The following TBCD variants were observed in gnomAD, a reference collection of about 807,000 sequenced individuals.
The protein encoded by TBCD is tubulin folding cofactor D.
Under a neutral mutation model 169.3 loss-of-function variants are expected in TBCD, and 105 were observed. The observed-to-expected ratio is 0.62, with a 90% CI of 0.53 to 0.73. The LOEUF (loss-of-function observed/expected upper bound fraction) is 0.73. Ranked by LOEUF, TBCD falls within the 30% of genes least tolerant of loss-of-function variation. TBCD has a pLI of 0.00. For missense variants in TBCD, 1,444 were observed against 1,600.1 expected, an observed-to-expected ratio of 0.90 and a Z score of 1.66; for synonymous variants, 700 against 643.9, an observed-to-expected ratio of 1.09 and a Z score of -1.32.
chr17:82,921,198 A>T (rs1446010183), intron 24 of TBCD: 1 of 459,752 alleles, frequency 2.2e-6, no homozygotes, highest in Admixed American at 3.7e-5. Flanking sequence ...GCCGGGGGAG[A>T]CCGTTTGAAG....
In TBCD at chr17:82,759,522, C is replaced by T. The variant is rs571423930; in HGVS notation, c.235+3307C>T. Among the ~76,000 whole-genome samples, 4 of 152,162 alleles carry T rather than the reference C, an allele frequency of 2.6e-5. No homozygotes were observed. In the South Asian group the frequency reaches 8.3e-4, roughly 32 times the overall value. ...TTTTGTTTTTGCAGGGTCAGGGTCA[C>T]GCTGTGTTCCTCAGGCTGGTCTCGA... On this transcript the variant is annotated intron_variant, in intron 2 of 38. Coordinates refer to ENST00000355528, the MANE Select transcript of TBCD (RefSeq NM_005993.5).
Position 82,923,641 on chromosome 17 carries a change from CT to C in TBCD, c.2179-8del. 6.4e-7 allele frequency: 1 copy of C among 1,564,240 alleles called. No homozygotes were observed. The highest frequency in any genetic ancestry group is 8.7e-7 in the Non-Finnish European group (1 of 1,153,490). On this transcript the variant is annotated splice_polypyrimidine_tract_variant and intron_variant, in intron 25 of 38. Coordinates refer to ENST00000355528, the MANE Select transcript of TBCD (RefSeq NM_005993.5). The surrounding 1 kb of genome is among the most constrained non-coding windows in gnomAD (Gnocchi z 4.6). ...AGCTGCTGTGCGCTCACCGTGCTGC[CT>C]TTGTTTTAGGATGCAGCAGTCTCGG...
chr17:82,760,907 A>C (rs1445877988), intron 2 of TBCD, among the ~76,000 whole-genome samples: 2 of 150,424 alleles, frequency 1.3e-5, no homozygotes, highest in East Asian at 3.9e-4. Flanking sequence ...TTCACTTAGC[A>C]TCATGTCTAT....
rs111803424 is a variant in TBCD, at chr17:82,915,386, T to C, written c.2038+3597T>C. ...GAAATGTCATACAGGTTGGCCTTTG[T>C]CGTGAATATTCACGAGAGGAGATGA... On this transcript the variant is annotated intron_variant, in intron 23 of 38. Transcript: ENST00000355528. The surrounding 1 kb of genome is among the most constrained non-coding windows in gnomAD (Gnocchi z 4.3). Among the ~76,000 whole-genome samples, 761 of 152,284 alleles carry C rather than the reference T, an allele frequency of 5.0e-3. 11 individuals carry two copies. The highest frequency in any genetic ancestry group is 0.017 in the Middle Eastern group (5 of 294).
At chr17:82,792,444 C>T (rs544893327) in intron 7 of TBCD, among the ~76,000 whole-genome samples, 3 of 152,156 alleles carry the variant, frequency 2.0e-5, no homozygotes, top group Non-Finnish European at 4.4e-5. Context: ...TCCTCATTGA[C>T]CAGAATGTTC....
chr17:82,890,248 C>T lies in TBCD; in HGVS notation c.1563+551C>T, dbSNP rs962516991. 5.3e-5 allele frequency among the ~76,000 whole-genome samples: 8 copies of T among 152,278 alleles called. No homozygotes were observed. The highest frequency in any genetic ancestry group is 2.1e-4 in the South Asian group (1 of 4,824). On this transcript the variant is annotated intron_variant, in intron 16 of 38. Coordinates refer to ENST00000355528, the MANE Select transcript of TBCD (RefSeq NM_005993.5). The surrounding 1 kb of genome is among the most constrained non-coding windows in gnomAD (Gnocchi z 5.3). Reference sequence around the variant, plus strand: ...AGGTTACTCATGTTGTGTGTGATGACGTCACATCTTGGGCGTGTGGTTGGG... The same window carrying T: ...AGGTTACTCATGTTGTGTGTGATGATGTCACATCTTGGGCGTGTGGTTGGG...
intron 15 of TBCD, among the ~76,000 whole-genome samples, chr17:82,887,238 A>T (rs1306217350): frequency 1.3e-5 from 2 of 151,586 alleles, no homozygotes; most frequent in Non-Finnish European, 2.9e-5. Context: ...TCACGTATCC[A>T]CCACCACAAT....
At chr17:82,929,556 T>A (rs540200614) in intron 32 of TBCD, 56 bp downstream of exon 32, 1 of 1,593,526 alleles carries the variant, frequency 6.3e-7, no homozygotes, top group East Asian at 2.2e-5. Flanking sequence ...TGCCTGGTGC[T>A]TCCCTGTCTC....
Position 82,927,198 on chromosome 17 carries a change from T to G in TBCD, c.2484T>G (p.Thr828=). Residue 828 remains threonine, a synonymous_variant, in exon 29 of 39, where the codon ACT becomes ACG. Coordinates refer to ENST00000355528, the MANE Select transcript of TBCD (RefSeq NM_005993.5). ...GLKAIARICQ[T]VGVKAGAPDE... ...TTTTAAATTTCAGGATTTGCCAGACTGTTGGTGTGAAAGCAGGAGCCCCAG... is the reference window on the plus strand; with the variant it reads ...TTTTAAATTTCAGGATTTGCCAGACGGTTGGTGTGAAAGCAGGAGCCCCAG... The G allele has an allele frequency of 1.2e-6, 2 of 1,613,962 alleles. No individual in the cohort carries two copies. The highest frequency in any genetic ancestry group is 2.7e-5 in the African/African-American group (2 of 75,054).
rs774634780 is a variant in TBCD, at chr17:82,832,209, C to T, written c.1318+17275C>T. The T allele has an allele frequency of 9.3e-6, 15 of 1,614,192 alleles. No individual in the cohort carries two copies. The highest frequency in any genetic ancestry group is 4.5e-5 in the East Asian group (2 of 44,882). ...CAGACTTGGAAGAGGCTGGCTTCGC[C>T]GTGGCATCGGGCTGGTTGGTTTGCT... On this transcript the variant is annotated intron_variant, in intron 13 of 38. Transcript: ENST00000355528. This position sits in a 1 kb window ranked among gnomAD's most constrained non-coding sequence, Gnocchi z 4.9.
chr17:82,777,332 CTG>C (rs922398980), intron 6 of TBCD, among the ~76,000 whole-genome samples: 9 of 152,138 alleles, frequency 5.9e-5, no homozygotes, highest in African/African-American at 1.7e-4. Context: ...GGGTTTCTCC[CTG>C]TGTGTGGAGA....
At chr17:82,852,246 C>T (rs1160134180) in intron 13 of TBCD, among the ~76,000 whole-genome samples, 1 of 151,348 alleles carries the variant, frequency 6.6e-6, no homozygotes, top group African/African-American at 2.4e-5. Flanking sequence ...CTGTGGTCCT[C>T]TGTGGTGGCT....
At position 82,921,541 on chromosome 17, in the gene TBCD, CCATCT is replaced by C; in HGVS notation, c.2150_2154del (p.Ile717LysfsTer21). 6.2e-7 allele frequency: 1 copy of C among 1,614,040 alleles called. No individual in the cohort carries two copies. Among genetic ancestry groups the C allele is most frequent in the Non-Finnish European group, 8.5e-7 (1 of 1,179,906 alleles). The stretch of plus-strand genomic sequence containing the variant: ...TGATAAATGACACTTTGAGACATCT[CCATCT>C]CATCTCAAGTCACTCCCGCCAGCAG... On this transcript the variant is annotated frameshift_variant, in exon 25 of 39. Transcript: ENST00000355528. LOFTEE classifies it high-confidence loss of function.
chr17:82,852,493 C>T (rs1399589009), intron 13 of TBCD, among the ~76,000 whole-genome samples: 3 of 152,112 alleles, frequency 2.0e-5, no homozygotes, highest in Admixed American at 6.5e-5. Flanking sequence ...CGGTTTCTTC[C>T]GGGTTTTCCT....
rs533943401 is a variant in TBCD, at chr17:82,889,098, G to T, written c.1534-570G>T. 2.0e-5 allele frequency among the ~76,000 whole-genome samples: 3 copies of T among 152,326 alleles called. No homozygotes were observed. The highest frequency in any genetic ancestry group is 3.9e-4 in the East Asian group (2 of 5,174). ...CTCTGCCTGGTCGGTGCGCCTAAGG[G>T]GGGCAGGGTGTTTGGGGAGGACATG... On this transcript the variant is annotated intron_variant, in intron 15 of 38. Transcript: ENST00000355528. The surrounding 1 kb of genome is among the most constrained non-coding windows in gnomAD (Gnocchi z 5.3).
At chr17:82,785,380 C>A in intron 7 of TBCD, among the ~76,000 whole-genome samples, 1 of 56,794 alleles carries the variant, frequency 1.8e-5, no homozygotes. Context: ...GGGGTCCATG[C>A]TGTGTGACTG....
intron 37 of TBCD, 113 bp from the exon 38 acceptor site, chr17:82,941,286 G>A (rs1241965837): frequency 1.2e-6 from 1 of 835,890 alleles, no homozygotes; most frequent in East Asian, 2.9e-5. Flanking sequence ...GGATGTCGGG[G>A]GTGAGGTCTC....
At chr17:82,927,009 G>A in intron 28 of TBCD, 177 bp from the exon 29 acceptor site, 1 of 874,474 alleles carries the variant, frequency 1.1e-6, no homozygotes, top group Non-Finnish European at 1.7e-6. Context: ...TGACCTCGGG[G>A]AAGCACGTCC....
At chr17:82,830,269 A>G (rs1240479177) in intron 13 of TBCD, 1 of 1,614,026 alleles carries the variant, frequency 6.2e-7, no homozygotes, top group Non-Finnish European at 8.5e-7. Flanking sequence ...TTTGGGTCTG[A>G]GGTCACACTG....
Sources: allele counts gnomAD v4.1 joint callset (sites outside exome capture counted in the v4.1 genomes callset), GRCh38; gene constraint gnomAD v4.1.1; non-coding constraint Gnocchi (gnomAD v3.1); transcripts MANE v1.5; gene names NCBI Gene and HGNC (gene_info 2026-07-23, HGNC 2026-07-21).